The following MMP10 variants were observed in gnomAD, a reference collection of about 807,000 sequenced individuals.
MMP10 encodes the protein stromelysin-2.
MMP10 carries 50 observed loss-of-function variants against 49.1 expected under a neutral mutation model. The ratio of observed to expected loss-of-function variants is 1.02; its 90% CI spans 0.81 to 1.29. MMP10 has a LOEUF of 1.29. Ranked by LOEUF, MMP10 falls within the 50% of genes most tolerant of loss-of-function variation. MMP10 has a pLI of 0.00. For missense variants in MMP10, 613 were observed against 563.8 expected, an observed-to-expected ratio of 1.09 and a Z score of -0.88; for synonymous variants, 229 against 201.6, an observed-to-expected ratio of 1.14 and a Z score of -1.15.
chr11:102,774,679 C>CAA lies in MMP10; in HGVS notation c.1066+507_1066+508dup, dbSNP rs1258326719. Reference sequence around the variant, plus strand: ...CTCTAATAGCATATTACCAATAAAACAAATTGAAACAGTAGTTTAAAAGTC... The same window carrying CAA: ...CTCTAATAGCATATTACCAATAAAACAAAAATTGAAACAGTAGTTTAAAAGTC... On this transcript the variant is annotated intron_variant, in intron 7 of 9. Transcript: ENST00000279441. Among the ~76,000 whole-genome samples, 5 of 152,190 alleles carry CAA rather than the reference C, an allele frequency of 3.3e-5. No homozygotes were observed. In the East Asian group the frequency reaches 9.6e-4, roughly 29 times the overall value.
rs1490265717 is a variant in MMP10, at chr11:102,778,714, G to T, written c.532C>A (p.His178Asn). ...GGTGGGTAGGCATGAGCCAAACTGT[G>T]TCCTGGGCCATCAAAAGAGTAAAAG... ...GDFYSFDGPG[H>N]SLAHAYPPGP... The change falls in exon 4 of 10, where the codon CAC becomes AAC. Residue 178 changes from histidine to asparagine, a missense_variant. By Grantham distance (68) the His-to-Asn change is moderately conservative. Coordinates refer to ENST00000279441, the MANE Select transcript of MMP10 (RefSeq NM_002425.3). 1.2e-6 allele frequency: 2 copies of T among 1,613,788 alleles called. No homozygotes were observed. The highest frequency in any genetic ancestry group is 8.5e-7 in the Non-Finnish European group (1 of 1,179,942).
intron 4 of MMP10, 97 bp downstream of exon 4, chr11:102,778,527 A>T: frequency 6.9e-7 from 1 of 1,451,094 alleles, no homozygotes; most frequent in Non-Finnish European, 9.4e-7. Context: ...TTCAGTTACT[A>T]GTATATTCGA....
Position 102,772,829 on chromosome 11 carries a change from A to G in MMP10, c.1226+18T>C. 1 of 1,602,446 alleles carries G rather than the reference A, an allele frequency of 6.2e-7. No homozygotes were observed. On this transcript the variant is annotated intron_variant, in intron 8 of 9. Coordinates refer to ENST00000279441, the MANE Select transcript of MMP10 (RefSeq NM_002425.3). The surrounding 1 kb of genome is among the most constrained non-coding windows in gnomAD (Gnocchi z 4.4). ...TCTTAATCAGGCTTCATAGAAAGTC[A>G]TTTCTCTTGCATCTCACCTCCAGTA...
At chr11:102,776,512 G>A in intron 5 of MMP10, 88 bp from the exon 6 acceptor site, 1 of 1,575,602 alleles carries the variant, frequency 6.3e-7, no homozygotes. Context: ...TTCTCAAAGT[G>A]CTTCAGGCCA....
rs1200975376 is a variant in MMP10, at chr11:102,772,142, C to T, written c.1227-27G>A. 7.2e-7 allele frequency: 1 copy of T among 1,390,990 alleles called. No homozygotes were observed. Among genetic ancestry groups the T allele is most frequent in the Admixed American group, 1.7e-5 (1 of 58,804 alleles). The allele number at this position is 1,390,990 out of a possible 1,614,324, so 86.2% of individuals were successfully genotyped here. A position where few individuals can be genotyped will look rare whatever the true frequency, so the allele number is the denominator to read the frequency against. ...TAAACCAAATGAAAGAAATACAGTTCAATGATGTGCAGTAGTCCCATTACA... is the reference window on the plus strand; with the variant it reads ...TAAACCAAATGAAAGAAATACAGTTTAATGATGTGCAGTAGTCCCATTACA... On this transcript the variant is annotated intron_variant, in intron 8 of 9. Coordinates refer to ENST00000279441, the MANE Select transcript of MMP10 (RefSeq NM_002425.3). The surrounding 1 kb of genome is among the most constrained non-coding windows in gnomAD (Gnocchi z 4.4).
At chr11:102,776,827 A>G (rs746343300) in intron 4 of MMP10, 51 bp from the exon 5 acceptor site, 16 of 1,606,408 alleles carry the variant, frequency 1.0e-5, no homozygotes, top group South Asian at 6.6e-5. Context: ...TCTTCCATAA[A>G]TACACATACA....
rs470168 is a variant in MMP10 at position 102,770,651 on chromosome 11, G to A, written c.*142C>T. 0.29 allele frequency: 154,323 copies of A among 525,766 alleles called. 23,850 individuals are homozygous for A. The highest frequency in any genetic ancestry group is 0.32 in the Non-Finnish European group (97,561 of 301,290). The allele number at this position is 525,766 out of a possible 1,614,324, so 32.6% of individuals were successfully genotyped here. On this transcript the variant is annotated 3_prime_UTR_variant, in exon 10 of 10. Transcript: ENST00000279441. ...GAAGAATTCCAGAAACATTCTTCATGACACATGCAGATATCTGCAAGGCTC... is the reference window on the plus strand; with the variant it reads ...GAAGAATTCCAGAAACATTCTTCATAACACATGCAGATATCTGCAAGGCTC...
Position 102,772,870 on chromosome 11 carries a change from G to T in MMP10, c.1203C>A (p.Phe401Leu). 11 of 1,612,952 alleles carry T rather than the reference G, an allele frequency of 6.8e-6. No individual in the cohort carries two copies. The highest frequency in any genetic ancestry group is 9.3e-6 in the Non-Finnish European group (11 of 1,179,530). Residue 401 changes from phenylalanine to leucine, a missense_variant, in exon 8 of 10, where the codon TTC (phenylalanine) becomes TTA (leucine). Physicochemically the swap from Phe to Leu is conservative, Grantham distance 22. Transcript: ENST00000279441. This position sits in a 1 kb window ranked among gnomAD's most constrained non-coding sequence, Gnocchi z 4.4. Reference sequence around the variant, plus strand: ...ACCTCCAGTATTTGTCCGCTGCAAAGAAGTATGTTTTCTTCTTTTCCTTGT... The same window carrying T: ...ACCTCCAGTATTTGTCCGCTGCAAATAAGTATGTTTTCTTCTTTTCCTTGT... Reference protein sequence around the residue: ...VSDKEKKKTYFFAADKYWRFD... With the variant: ...VSDKEKKKTYLFAADKYWRFD...
In MMP10 at chr11:102,779,383, G is replaced by A. The variant is rs749382261; in HGVS notation, c.348-22C>T. On this transcript the variant is annotated intron_variant, in intron 2 of 9. Coordinates refer to ENST00000279441, the MANE Select transcript of MMP10 (RefSeq NM_002425.3). Reference sequence around the variant, plus strand: ...AATCCTGGAGGAGAAAAATTGAAGAGGATGTTATTTTCTCCTGCCTTTATG... The same window carrying A: ...AATCCTGGAGGAGAAAAATTGAAGAAGATGTTATTTTCTCCTGCCTTTATG... The A allele has an allele frequency of 2.5e-6, 4 of 1,612,098 alleles. No homozygotes were observed. In the South Asian group the frequency reaches 4.4e-5, roughly 18 times the overall value.
chr11:102,775,370 G>T, intron 6 of MMP10, 49 bp from the exon 7 acceptor site: 1 of 1,462,870 alleles, frequency 6.8e-7, no homozygotes, highest in Non-Finnish European at 9.2e-7. Flanking sequence ...TTAGATATGT[G>T]AAAAAAAAAT....
chr11:102,777,060 C>T (rs550750139), intron 4 of MMP10, among the ~76,000 whole-genome samples: 2 of 150,982 alleles, frequency 1.3e-5, no homozygotes, highest in South Asian at 2.1e-4. Flanking sequence ...AAATGAGAAG[C>T]ATTATTTTCA....
At chr11:102,779,024 G>A (rs1280948481) in intron 3 of MMP10, among the ~76,000 whole-genome samples, 189 bp downstream of exon 3, 2 of 152,188 alleles carry the variant, frequency 1.3e-5, no homozygotes, top group African/African-American at 4.8e-5. Context: ...GGACACAGAA[G>A]GTACCATCTA....
chr11:102,779,752 G>T lies in MMP10; in HGVS notation c.106-7C>A. The T allele has an allele frequency of 6.3e-7, 1 of 1,595,210 alleles. No homozygotes were observed. Among genetic ancestry groups the T allele is most frequent in the Non-Finnish European group, 8.6e-7 (1 of 1,167,538 alleles). ...AGTACTTTTCTAGGTATTGCTAATGGAAAATAGAATTTTTAGGGCATTTTT... is the reference window on the plus strand; with the variant it reads ...AGTACTTTTCTAGGTATTGCTAATGTAAAATAGAATTTTTAGGGCATTTTT... On this transcript the variant is annotated splice_polypyrimidine_tract_variant and splice_region_variant and intron_variant, in intron 1 of 9. Transcript: ENST00000279441.
chr11:102,778,847 G>A, intron 3 of MMP10, 98 bp from the exon 4 acceptor site: 1 of 1,407,844 alleles, frequency 7.1e-7, no homozygotes, highest in Non-Finnish European at 9.8e-7. Context: ...GAATGTTGGT[G>A]TCTGCTGCAA....
rs1246117800 is a variant in MMP10, at chr11:102,770,725, A to G, written c.*68T>C. ...CAGGAAAAATTAACCATTTTGGCTC[A>G]TAATACATTAGATGAATAATTATTA... is the stretch of plus-strand genomic sequence containing the variant. On this transcript the variant is annotated 3_prime_UTR_variant, in exon 10 of 10. Transcript: ENST00000279441. The G allele has an allele frequency of 2.8e-6, 3 of 1,077,906 alleles. No individual in the cohort carries two copies. The highest frequency in any genetic ancestry group is 2.2e-5 in the Admixed American group (1 of 44,448). The allele number at this position is 1,077,906 out of a possible 1,614,324, so 66.8% of individuals were successfully genotyped here. A position where few individuals can be genotyped will look rare whatever the true frequency, so the allele number is the denominator to read the frequency against.
chr11:102,773,103 A>C, intron 7 of MMP10, 97 bp from the exon 8 acceptor site: 1 of 1,141,224 alleles, frequency 8.8e-7, no homozygotes, highest in Non-Finnish European at 1.2e-6. Flanking sequence ...GCTTGGTTTT[A>C]ATTCCAACCT....
rs760424472 is a variant in MMP10, at chr11:102,779,565, C to T, written c.286G>A (p.Val96Ile). 1.2e-5 allele frequency: 19 copies of T among 1,613,952 alleles called. No homozygotes were observed. Among genetic ancestry groups the T allele is most frequent in the Admixed American group, 8.3e-5 (5 of 59,926 alleles). The change falls in exon 2 of 10, where the codon GTT becomes ATT. Residue 96 changes from valine to isoleucine, a missense_variant. By Grantham distance (29) the Val-to-Ile change is conservative (BLOSUM62 3). Coordinates refer to ENST00000279441, the MANE Select transcript of MMP10 (RefSeq NM_002425.3). The part of the protein sequence containing the change: ...MRKPRCGVPD[V>I]GHFSSFPGMP... ...CCAGGAAAGGAGCTGAAGTGACCAA[C>T]GTCAGGAACTCCACACCTGGGCTTG...
At position 102,775,417 on chromosome 11, in the gene MMP10, T is replaced by C. The variant is rs1862012753; in HGVS notation, c.933-96A>G. On this transcript the variant is annotated intron_variant, in intron 6 of 9. Transcript: ENST00000279441. Reference sequence around the variant, plus strand: ...AAATCCATGCTAATTCACCCATTCATAGAAGTCTGTATTAAACCATCCTCC... The same window carrying C: ...AAATCCATGCTAATTCACCCATTCACAGAAGTCTGTATTAAACCATCCTCC... 4.8e-6 allele frequency: 5 copies of C among 1,035,774 alleles called. No individual in the cohort carries two copies. In the South Asian group the frequency reaches 6.0e-5, roughly 12 times the overall value. 64.2% of individuals were successfully genotyped at this position (1,035,774 alleles called of 1,614,324 possible).
rs750952025 is a variant in MMP10, at chr11:102,778,646, T to C, written c.600A>G (p.Glu200=). The change falls in exon 4 of 10, where the codon GAA becomes GAG. Residue 200 remains glutamate, a synonymous_variant. Coordinates refer to ENST00000279441, the MANE Select transcript of MMP10 (RefSeq NM_002425.3). ...CACCTGATGCATCTTCTGTCCATTT[T>C]TCATCATCATCAAAGTGAATATCTC... ...LYGDIHFDDD[E]KWTEDASGTN... 2.2e-5 allele frequency: 35 copies of C among 1,613,866 alleles called. 1 individual carries two copies. In the South Asian group the frequency reaches 3.5e-4, roughly 16 times the overall value.
Sources: allele counts gnomAD v4.1 joint callset (sites outside exome capture counted in the v4.1 genomes callset), GRCh38; gene constraint gnomAD v4.1.1; non-coding constraint Gnocchi (gnomAD v3.1); transcripts MANE v1.5; gene names NCBI Gene and HGNC (gene_info 2026-07-23, HGNC 2026-07-21).